The following CSMD2 variants were observed in gnomAD, a reference collection of about 807,000 sequenced individuals.
CSMD2 encodes CUB and sushi domain-containing protein 2.
In CSMD2, 130 loss-of-function variants were observed where a neutral mutation model predicts 398.5. The ratio of observed to expected loss-of-function variants is 0.33; its 90% CI spans 0.28 to 0.38. The LOEUF is 0.38. Ranked by LOEUF, CSMD2 falls within the 10% of genes least tolerant of loss-of-function variation. The pLI is 1.00. For missense variants in CSMD2, 3,829 were observed against 4,764.9 expected, an observed-to-expected ratio of 0.80 and a Z score of 5.78; for synonymous variants, 1,828 against 1,908.5, an observed-to-expected ratio of 0.96 and a Z score of 1.10.
chr1:33,692,577 G>C (rs980971588), intron 25 of CSMD2, among the ~76,000 whole-genome samples: 2 of 152,210 alleles, frequency 1.3e-5, no homozygotes, highest in African/African-American at 4.8e-5. Context: ...CTCTACAGAA[G>C]AGGACAATGA....
chr1:33,736,504 A>G lies in CSMD2; in HGVS notation c.2368+2636T>C, dbSNP rs145530701. Among the ~76,000 whole-genome samples, 397 of 152,286 alleles carry G rather than the reference A, an allele frequency of 2.6e-3. 3 individuals are homozygous for G. The highest frequency in any genetic ancestry group is 9.2e-3 in the African/African-American group (383 of 41,560). On this transcript the variant is annotated intron_variant, in intron 15 of 70. Transcript: ENST00000373381. ...AAAGAAAAAAAAAAAATAGTGAGCC[A>G]CTTGAAGATCCATTAACAAAGGTCA...
intron 3 of CSMD2, among the ~76,000 whole-genome samples, chr1:34,017,560 C>A (rs1419630602): frequency 6.6e-6 from 1 of 152,138 alleles, no homozygotes; most frequent in Non-Finnish European, 1.5e-5. Flanking sequence ...TGTTTGAGAC[C>A]AGCCTGAGCA....
At chr1:33,585,340 T>C (rs570756690) in intron 46 of CSMD2, among the ~76,000 whole-genome samples, 117 of 152,284 alleles carry the variant, frequency 7.7e-4, no homozygotes, top group South Asian at 4.6e-3. Context: ...GACTTTGCCA[T>C]GGGCTGTTCA....
chr1:33,930,058 CA>C (rs1191308850), intron 4 of CSMD2, among the ~76,000 whole-genome samples: 1 of 152,180 alleles, frequency 6.6e-6, no homozygotes, highest in African/African-American at 2.4e-5. Context: ...ATGTAAACTC[CA>C]AGAGATCATG....
chr1:33,718,033 C>T (rs1646229950), intron 19 of CSMD2, among the ~76,000 whole-genome samples: 1 of 152,168 alleles, frequency 6.6e-6, no homozygotes, highest in Non-Finnish European at 1.5e-5. Flanking sequence ...GCCAGGAACC[C>T]TGTGGCGTGG....
At chr1:33,806,359 C>T (rs1656229856) in intron 10 of CSMD2, among the ~76,000 whole-genome samples, 1 of 152,140 alleles carries the variant, frequency 6.6e-6, no homozygotes, top group Admixed American at 6.5e-5. Flanking sequence ...TTGAAACCTC[C>T]ATACTGAGAA....
chr1:34,004,473 T>G (rs1646998899), intron 3 of CSMD2, among the ~76,000 whole-genome samples: 1 of 152,190 alleles, frequency 6.6e-6, no homozygotes, highest in South Asian at 2.1e-4. Context: ...TTTTGTTTGT[T>G]TGTTTTTGTT....
At chr1:33,769,230 T>C (rs571814554) in intron 13 of CSMD2, among the ~76,000 whole-genome samples, 2 of 152,218 alleles carry the variant, frequency 1.3e-5, no homozygotes, top group African/African-American at 2.4e-5. Flanking sequence ...TGGCAAAGCT[T>C]CTGGAAGGTA....
intron 25 of CSMD2, among the ~76,000 whole-genome samples, chr1:33,670,207 C>T (rs1644449171): frequency 6.6e-6 from 1 of 152,212 alleles, no homozygotes; most frequent in Non-Finnish European, 1.5e-5. Flanking sequence ...GGCTCCTGCT[C>T]TATCAGAGTC....
intron 25 of CSMD2, among the ~76,000 whole-genome samples, chr1:33,672,447 G>A (rs1644537520): frequency 6.6e-6 from 1 of 152,220 alleles, no homozygotes; most frequent in Admixed American, 6.5e-5. Context: ...GCTTGAGTAG[G>A]TAAACAAAGC....
chr1:34,151,619 G>C (rs903193427), intron 1 of CSMD2, among the ~76,000 whole-genome samples: 1 of 152,164 alleles, frequency 6.6e-6, no homozygotes, highest in African/African-American at 2.4e-5. Flanking sequence ...AGAGAAGGGA[G>C]AGGAAAGGAG....
rs139494636 is a variant in CSMD2 at position 34,092,342 on chromosome 1, G to A, written c.188-3149C>T. Among the ~76,000 whole-genome samples, 31 of 152,246 alleles carry A rather than the reference G, an allele frequency of 2.0e-4. No homozygotes were observed. The Middle Eastern group carries it at 0.01, about 50-fold the overall frequency. On this transcript the variant is annotated intron_variant, in intron 1 of 70. Coordinates refer to ENST00000373381, the MANE Select transcript of CSMD2 (RefSeq NM_001281956.2). The stretch of plus-strand genomic sequence containing the variant: ...ATTCGGATGAAAAGCCCAATGACCC[G>A]TTTTAAGTTTGGTAAAATGATACCT...
intron 15 of CSMD2, among the ~76,000 whole-genome samples, chr1:33,727,083 C>A (rs1557798875): frequency 6.6e-6 from 1 of 151,688 alleles, no homozygotes; most frequent in Non-Finnish European, 1.5e-5. Flanking sequence ...CAGGACCCTA[C>A]AACTCAGACG....
Position 33,652,454 on chromosome 1 carries a change from G to A in CSMD2, c.4455C>T (p.Cys1485=), listed in dbSNP as rs766271201. Residue 1485 remains cysteine, a synonymous_variant, in exon 28 of 71, where the codon TGC becomes TGT. Coordinates refer to ENST00000373381, the MANE Select transcript of CSMD2 (RefSeq NM_001281956.2). ...QPSPPTCIAP[C]GGDLTGPSGV... The stretch of plus-strand genomic sequence containing the variant: ...CAGATGGTCCTGTCAGGTCTCCCCC[G>A]CAGGGAGCTGAGGAGAGAAGAAGAC... 5.9e-5 allele frequency: 95 copies of A among 1,613,966 alleles called. No individual in the cohort carries two copies. The highest frequency in any genetic ancestry group is 7.5e-5 in the Non-Finnish European group (88 of 1,179,974).
At chr1:33,955,196 GA>G (rs1194202119) in intron 3 of CSMD2, among the ~76,000 whole-genome samples, 1 of 152,192 alleles carries the variant, frequency 6.6e-6, no homozygotes, top group African/African-American at 2.4e-5. Context: ...AGCTGCCAGA[GA>G]TGGAATGTGA....
chr1:33,864,824 A>G, intron 5 of CSMD2: 2 of 1,305,046 alleles, frequency 1.5e-6, no homozygotes, highest in South Asian at 2.9e-5. Context: ...GTGGCATTAG[A>G]GTAGCTGTGA....
At chr1:33,654,663 A>G (rs922868938) in intron 27 of CSMD2, among the ~76,000 whole-genome samples, 2 of 152,212 alleles carry the variant, frequency 1.3e-5, no homozygotes, top group Non-Finnish European at 2.9e-5. Flanking sequence ...CAGTCCATGG[A>G]GCGTGGCCTT....
rs183765087 is a variant in CSMD2 at position 33,744,454 on chromosome 1, C to T, written c.1847-848G>A. On this transcript the variant is annotated intron_variant, in intron 13 of 70. Coordinates refer to ENST00000373381, the MANE Select transcript of CSMD2 (RefSeq NM_001281956.2). Reference sequence around the variant, plus strand: ...CAGCATCCATTGTGATCCCTGTCCACGTCCTGTTCTCTCTCCCCTATTTCA... The same window carrying T: ...CAGCATCCATTGTGATCCCTGTCCATGTCCTGTTCTCTCTCCCCTATTTCA... Among the ~76,000 whole-genome samples the T allele has an allele frequency of 6.3e-4, 96 of 152,254 alleles. 2 individuals are homozygous for T. The South Asian group carries it at 0.017, about 27-fold the overall frequency.
intron 25 of CSMD2, among the ~76,000 whole-genome samples, chr1:33,674,179 C>A (rs1335241646): frequency 1.3e-5 from 2 of 152,120 alleles, no homozygotes; most frequent in African/African-American, 4.8e-5. Context: ...TGGATAGAGT[C>A]AAGACCTATC....
Sources: gnomAD v4.1 joint callset for allele counts (sites outside exome capture counted in the v4.1 genomes callset) on GRCh38, gnomAD v4.1.1 for gene constraint, MANE v1.5 for transcripts, NCBI Gene and HGNC (gene_info 2026-07-23, HGNC 2026-07-21) for gene names.